Variants in XPO4 observed in about 807,000 individuals in gnomAD.
XPO4 encodes exportin 4.
A neutral mutation model predicts 143.0 loss-of-function variants in XPO4; 39 were observed. The observed-to-expected ratio is 0.27, with a 90% CI of 0.21 to 0.36. The LOEUF (loss-of-function observed/expected upper bound fraction) is 0.36. Ranked by LOEUF, XPO4 falls within the 10% of genes least tolerant of loss-of-function variation. The pLI is 1.00. For missense variants in XPO4, 907 were observed against 1,348.0 expected (o/e 0.67, Z 5.12); for synonymous variants, 439 against 474.0 (o/e 0.93, Z 0.96).
chr13:20,797,821 T>G (rs1192009540), intron 16 of XPO4, among the ~76,000 whole-genome samples: 3 of 152,146 alleles, frequency 2.0e-5, no homozygotes, highest in Non-Finnish European at 4.4e-5. Context: ...AAAACTCATA[T>G]GTGGAAATCC....
Position 20,779,377 on chromosome 13 carries a change from A to T in XPO4, c.*4345T>A, listed in dbSNP as rs1204033582. On this transcript the variant is annotated 3_prime_UTR_variant, in exon 23 of 23. Coordinates refer to ENST00000255305, the MANE Select transcript of XPO4 (RefSeq NM_022459.5). ...CAGATCCCTAGTAGGTACATAGTGC[A>T]GATGCAGTATATAATTTCAGGCTAG... The T allele has an allele frequency of 6.6e-6, 1 of 152,636 alleles. No homozygotes were observed. The highest frequency in any genetic ancestry group is 1.5e-5 in the Non-Finnish European group (1 of 68,020). 9.5% of individuals were successfully genotyped at this position (152,636 alleles called of 1,614,324 possible).
chr13:20,865,780 A>G (rs2060239497), intron 2 of XPO4, among the ~76,000 whole-genome samples: 1 of 152,222 alleles, frequency 6.6e-6, no homozygotes, highest in African/African-American at 2.4e-5. Context: ...AAGCACAGGC[A>G]ATATAAGCTC....
chr13:20,850,356 T>C (rs1424977610), intron 4 of XPO4: 3 of 857,738 alleles, frequency 3.5e-6, no homozygotes, highest in East Asian at 1.2e-4. Context: ...TTAAGTTAGG[T>C]TGGCAATAAA....
Position 20,780,457 on chromosome 13 carries a change from G to C in XPO4, c.*3265C>G, listed in dbSNP as rs1342620591. The C allele has an allele frequency of 6.6e-6, 1 of 152,084 alleles. No homozygotes were observed. Among genetic ancestry groups the C allele is most frequent in the Non-Finnish European group, 1.5e-5 (1 of 68,020 alleles). 9.4% of individuals were successfully genotyped at this position (152,084 alleles called of 1,614,324 possible). On this transcript the variant is annotated 3_prime_UTR_variant, in exon 23 of 23. Transcript: ENST00000255305. ...GGTGATATTACAACTATAAAGACTT[G>C]ACATTTTTGTTAAAAGAGAAAGTTC...
intron 9 of XPO4, among the ~76,000 whole-genome samples, chr13:20,815,194 G>C (rs919686350): frequency 6.6e-6 from 1 of 152,118 alleles, no homozygotes; most frequent in Non-Finnish European, 1.5e-5. Flanking sequence ...GCAGAACACA[G>C]AGGATTTTCA....
At chr13:20,883,273 A>C (rs1027465183) in intron 1 of XPO4, among the ~76,000 whole-genome samples, 13 of 152,236 alleles carry the variant, frequency 8.5e-5, no homozygotes, top group Non-Finnish European at 1.3e-4. Context: ...GTGAGGAGAA[A>C]GAAAGGAAAG....
In XPO4 at chr13:20,855,775, A is replaced by G; in HGVS notation, c.318-10T>C. 1 of 1,567,394 alleles carries G rather than the reference A, an allele frequency of 6.4e-7. No homozygotes were observed. Among genetic ancestry groups the G allele is most frequent in the Non-Finnish European group, 8.6e-7 (1 of 1,163,378 alleles). On this transcript the variant is annotated splice_polypyrimidine_tract_variant and intron_variant, in intron 3 of 22. Coordinates refer to ENST00000255305, the MANE Select transcript of XPO4 (RefSeq NM_022459.5). ...AACATACTTTTGAAGGCTGTAAAACATAAAAATCATTGTGAAAAATTTACC... is the reference window on the plus strand; with the variant it reads ...AACATACTTTTGAAGGCTGTAAAACGTAAAAATCATTGTGAAAAATTTACC...
chr13:20,777,568 G>C lies in XPO4; in HGVS notation c.*6154C>G, dbSNP rs1273275894. 1.3e-5 allele frequency: 2 copies of C among 152,126 alleles called. No individual in the cohort carries two copies. The highest frequency in any genetic ancestry group is 2.4e-5 in the African/African-American group (1 of 41,428). 9.4% of individuals were successfully genotyped at this position (152,126 alleles called of 1,614,324 possible). ...TCCTTAGAAATAACCATAACATCCA[G>C]GGCAGTGCAGTTATAAACAGGTGTA... On this transcript the variant is annotated 3_prime_UTR_variant, in exon 23 of 23. Transcript: ENST00000255305.
intron 4 of XPO4, chr13:20,849,311 A>G (rs1314884420): frequency 7.1e-6 from 7 of 985,344 alleles, no homozygotes; most frequent in Non-Finnish European, 8.4e-6. Context: ...GGGCTGCCGT[A>G]GACAAGTGAA....
chr13:20,867,587 T>A (rs926722359), intron 2 of XPO4, among the ~76,000 whole-genome samples: 2 of 152,092 alleles, frequency 1.3e-5, no homozygotes, highest in African/African-American at 2.4e-5. Context: ...GGCACCTAGA[T>A]GTCATAGTTG....
Position 20,857,028 on chromosome 13 carries a change from A to C in XPO4, c.318-1263T>G, listed in dbSNP as rs185882782. The C allele has an allele frequency of 1.7e-3, 542 of 322,530 alleles. 4 individuals carry two copies. The highest frequency in any genetic ancestry group is 0.012 in the African/African-American group (521 of 44,692). The allele number at this position is 322,530 out of a possible 1,614,324, so 20.0% of individuals were successfully genotyped here. ...TATTAGATATTTATACAGATGAATA[A>C]ATATGTCTCCCTATCGTCAAGACTG... is the stretch of plus-strand genomic sequence containing the variant. On this transcript the variant is annotated intron_variant, in intron 3 of 22. Coordinates refer to ENST00000255305, the MANE Select transcript of XPO4 (RefSeq NM_022459.5).
chr13:20,848,248 A>C lies in XPO4; in HGVS notation c.457-4362T>G, dbSNP rs554020808. 7 of 982,254 alleles carry C rather than the reference A, an allele frequency of 7.1e-6. No individual in the cohort carries two copies. In the South Asian group the frequency reaches 2.8e-4, roughly 40 times the overall value. The allele number at this position is 982,254 out of a possible 1,614,324, so 60.8% of individuals were successfully genotyped here. On this transcript the variant is annotated intron_variant, in intron 4 of 22. Transcript: ENST00000255305. ...AAATTACATCTAAAATAAATGATAA[A>C]TAAAAACATTCTGCAGGACTCTTTC...
At chr13:20,801,092 G>A in intron 13 of XPO4, 102 bp from the exon 14 acceptor site, 1 of 1,328,806 alleles carries the variant, frequency 7.5e-7, no homozygotes, top group Non-Finnish European at 1.0e-6. Flanking sequence ...CAGTTCTCTG[G>A]ATTTAGGTCA....
At chr13:20,893,242 T>C (rs2060535382) in intron 1 of XPO4, among the ~76,000 whole-genome samples, 1 of 152,212 alleles carries the variant, frequency 6.6e-6, no homozygotes, top group Admixed American at 6.5e-5. Context: ...AATGGCACTT[T>C]TCCCCTGCTT....
intron 1 of XPO4, among the ~76,000 whole-genome samples, chr13:20,886,442 T>C (rs1245199641): frequency 6.6e-6 from 1 of 151,846 alleles, no homozygotes; most frequent in Non-Finnish European, 1.5e-5. Context: ...TAAAACCCTG[T>C]CTCTACTAAA....
chr13:20,838,462 T>G (rs2059940401), intron 6 of XPO4, among the ~76,000 whole-genome samples: 1 of 151,672 alleles, frequency 6.6e-6, no homozygotes. Context: ...ACAAAAAAAT[T>G]AGCCAGGCGT....
chr13:20,788,049 GT>G (rs1276190178), intron 20 of XPO4, among the ~76,000 whole-genome samples: 1 of 130,900 alleles, frequency 7.6e-6, no homozygotes, highest in Non-Finnish European at 1.5e-5. Context: ...ACAGTTTTTT[GT>G]TTTTTTGTTT....
chr13:20,893,469 G>A (rs1156561017), intron 1 of XPO4, among the ~76,000 whole-genome samples: 2 of 152,164 alleles, frequency 1.3e-5, no homozygotes, highest in Non-Finnish European at 2.9e-5. Flanking sequence ...GCCAAGCACG[G>A]TGGCTCATGC....
At chr13:20,855,896 G>A (rs2060138547) in intron 3 of XPO4, 131 bp from the exon 4 acceptor site, 3 of 975,128 alleles carry the variant, frequency 3.1e-6, no homozygotes, top group Non-Finnish European at 4.3e-6. Flanking sequence ...AAAGGGTTAT[G>A]TACAGACTCC....
Sources: gnomAD v4.1 joint callset for allele counts (sites outside exome capture counted in the v4.1 genomes callset) on GRCh38, gnomAD v4.1.1 for gene constraint, MANE v1.5 for transcripts, NCBI Gene and HGNC (gene_info 2026-07-23, HGNC 2026-07-21) for gene names.